Variants in STK10 observed in about 807,000 individuals in gnomAD.
STK10 encodes the protein serine/threonine kinase 10.
A neutral mutation model predicts 113.8 loss-of-function variants in STK10; 78 were observed. The observed-to-expected ratio is 0.69, with a 90% CI of 0.57 to 0.83. STK10 has a LOEUF of 0.83. Among genes scored for constraint, STK10 ranks in the 40% least tolerant of loss-of-function variants. STK10 has a pLI of 0.00. For missense variants in STK10, 1,109 were observed against 1,280.1 expected (o/e 0.87, Z 2.04); for synonymous variants, 465 against 494.7 (o/e 0.94, Z 0.80).
chr5:172,158,257 G>C (rs1302403311), intron 1 of STK10, among the ~76,000 whole-genome samples: 1 of 151,292 alleles, frequency 6.6e-6, no homozygotes, highest in African/African-American at 2.4e-5. Context: ...CTAGGACCTA[G>C]CAATTCTGCT....
chr5:172,101,607 A>C (rs1768990866), intron 7 of STK10, among the ~76,000 whole-genome samples: 1 of 152,266 alleles, frequency 6.6e-6, no homozygotes, highest in Non-Finnish European at 1.5e-5. Flanking sequence ...CCGGGCAGGG[A>C]GCTTGACAAC....
chr5:172,057,305 C>G, intron 15 of STK10, 44 bp downstream of exon 15: 3 of 1,563,980 alleles, frequency 1.9e-6, no homozygotes, highest in Non-Finnish European at 2.6e-6. Context: ...TCTCCCAGGT[C>G]GGCCCGGCAG....
intron 18 of STK10, among the ~76,000 whole-genome samples, chr5:172,051,077 C>T (rs1230721934): frequency 2.0e-5 from 3 of 150,882 alleles, no homozygotes; most frequent in South Asian, 2.1e-4. Context: ...AGCGCCACTC[C>T]GTCTCAGGAA....
At chr5:172,058,980 T>C (rs1198226835) in intron 14 of STK10, among the ~76,000 whole-genome samples, 2 of 151,982 alleles carry the variant, frequency 1.3e-5, no homozygotes, top group Admixed American at 6.6e-5. Context: ...TCCTAGCACT[T>C]TGGGAGGCCG....
At chr5:172,102,573 G>A (rs745366199) in intron 7 of STK10, among the ~76,000 whole-genome samples, 4 of 152,068 alleles carry the variant, frequency 2.6e-5, no homozygotes, top group Non-Finnish European at 4.4e-5. Context: ...CAAAGGCAAC[G>A]GAGAAGGAGA....
chr5:172,105,393 C>T (rs3111484), intron 7 of STK10, among the ~76,000 whole-genome samples: 15,154 of 152,098 alleles, frequency 0.1, 864 homozygotes, highest in East Asian at 0.13. Context: ...CCCCCTGCCA[C>T]GCACACATAC....
chr5:172,107,130 G>A (rs996659974), intron 5 of STK10: 8 of 290,234 alleles, frequency 2.8e-5, no homozygotes, highest in African/African-American at 1.3e-4. Context: ...AAAAAGGGGC[G>A]TGGAGGTGGG....
chr5:172,186,631 A>G (rs1770958827), intron 1 of STK10, among the ~76,000 whole-genome samples: 1 of 152,144 alleles, frequency 6.6e-6, no homozygotes, highest in South Asian at 2.1e-4. Flanking sequence ...CAAAAAAAAG[A>G]AAAGAAAAAA....
chr5:172,093,919 C>A lies in STK10; in HGVS notation c.1047G>T (p.Pro349=). ...NHTQNSSEVS[P]PSLNADKPLE... ...GAGGCTTGTCAGCATTGAGGCTTGG[C>A]GGACTCACCTCAGAGGAGTTCTGAG... Residue 349 remains proline, a synonymous_variant, in exon 9 of 19, where the codon CCG becomes CCT. Transcript: ENST00000176763. This position sits in a 1 kb window ranked among gnomAD's most constrained non-coding sequence, Gnocchi z 4.1. 4 of 1,527,638 alleles carry A rather than the reference C, an allele frequency of 2.6e-6. No homozygotes were observed. Among genetic ancestry groups the A allele is most frequent in the African/African-American group, 1.4e-5 (1 of 72,272 alleles). 94.6% of individuals were successfully genotyped at this position (1,527,638 alleles called of 1,614,324 possible). A position where few individuals can be genotyped will look rare whatever the true frequency, so the allele number is the denominator to read the frequency against.
intron 14 of STK10, among the ~76,000 whole-genome samples, chr5:172,058,791 A>G (rs1262605531): frequency 6.6e-6 from 1 of 152,072 alleles, no homozygotes; most frequent in Non-Finnish European, 1.5e-5. Context: ...TCAGGGGCCT[A>G]AGGCATGAGA....
intron 1 of STK10, among the ~76,000 whole-genome samples, chr5:172,179,379 C>A (rs1046711054): frequency 6.6e-6 from 1 of 152,180 alleles, no homozygotes; most frequent in Non-Finnish European, 1.5e-5. Context: ...CAGCAGGGGG[C>A]CTGAGAGTGA....
rs377694464 is a variant in STK10 at position 172,048,455 on chromosome 5, CCTCT to C, written c.2767-3437_2767-3434del. Among the ~76,000 whole-genome samples, 495 of 55,702 alleles carry C rather than the reference CCTCT, an allele frequency of 8.9e-3. 1 individual carries two copies. Among genetic ancestry groups the C allele is most frequent in the African/African-American group, 0.041 (461 of 11,356 alleles). 36.5% of individuals were successfully genotyped at this position (55,702 alleles called of 152,430 possible). On this transcript the variant is annotated intron_variant, in intron 18 of 18. Transcript: ENST00000176763. ...CACACACACACACACACACACACAT[CCTCT>C]CTCTATCTTGGTTCTGTTTCTCTAG...
intron 18 of STK10, among the ~76,000 whole-genome samples, chr5:172,051,086 A>G (rs1195076935): frequency 7.0e-6 from 1 of 143,858 alleles, no homozygotes; most frequent in Non-Finnish European, 1.5e-5. Context: ...CCGTCTCAGG[A>G]AAAAAAAAAA....
chr5:172,135,106 C>CAAAT (rs966915333), intron 2 of STK10, among the ~76,000 whole-genome samples: 2 of 152,250 alleles, frequency 1.3e-5, no homozygotes, highest in African/African-American at 4.8e-5. Context: ...AGAAGATGTA[C>CAAAT]AAATGGCCAC....
At chr5:172,137,697 A>G (rs4868144) in intron 2 of STK10, among the ~76,000 whole-genome samples, 44,578 of 146,466 alleles carry the variant, frequency 0.3, 7,989 homozygotes, top group African/African-American at 0.5. Context: ...TGGCTAACAC[A>G]GTGAAATCCC....
Position 172,082,849 on chromosome 5 carries a change from C to A in STK10, c.1809+112G>T. 2 of 1,492,642 alleles carry A rather than the reference C, an allele frequency of 1.3e-6. No individual in the cohort carries two copies. Among genetic ancestry groups the A allele is most frequent in the African/African-American group, 1.4e-5 (1 of 71,056 alleles). 92.5% of individuals were successfully genotyped at this position (1,492,642 alleles called of 1,614,324 possible). A position where few individuals can be genotyped will look rare whatever the true frequency, so the allele number is the denominator to read the frequency against. ...GATCGGGAAGCCCCCAGGAATTGGG[C>A]AATTGTTGTGAATTACTCTCCACTA... On this transcript the variant is annotated intron_variant, in intron 11 of 18. Transcript: ENST00000176763. This position sits in a 1 kb window ranked among gnomAD's most constrained non-coding sequence, Gnocchi z 4.3.
In STK10 at chr5:172,082,967, T is replaced by C. The variant is rs531215180; in HGVS notation, c.1803A>G (p.Glu601=). Residue 601 remains glutamate, a synonymous_variant, in exon 11 of 19, where the codon GAA becomes GAG. Coordinates refer to ENST00000176763, the MANE Select transcript of STK10 (RefSeq NM_005990.4). The surrounding 1 kb of genome is among the most constrained non-coding windows in gnomAD (Gnocchi z 4.3). ...LEQMHKRFEQ[E]INAKKKFFDT... ...CATCTTTTCTCGCACTCACGTTGAT[T>C]TCCTGTTCAAAACGTTTATGCATTT... 1 of 1,613,580 alleles carries C rather than the reference T, an allele frequency of 6.2e-7. No homozygotes were observed. The highest frequency in any genetic ancestry group is 2.2e-5 in the East Asian group (1 of 44,876).
rs570257211 is a variant in STK10, at chr5:172,130,453, C to T, written c.322-3032G>A. ...GGCGGAGGCAGGAGAATCACTTGAA[C>T]CCAGGAGGCGGAGGCTGCAGTGAGC... On this transcript the variant is annotated intron_variant, in intron 2 of 18. Coordinates refer to ENST00000176763, the MANE Select transcript of STK10 (RefSeq NM_005990.4). Among the ~76,000 whole-genome samples the T allele has an allele frequency of 2.6e-5, 4 of 152,018 alleles. 1 individual carries two copies. Among genetic ancestry groups the T allele is most frequent in the African/African-American group, 9.6e-5 (4 of 41,452 alleles).
rs981191929 is a variant in STK10, at chr5:172,148,579, G to A, written c.321+8045C>T. On this transcript the variant is annotated intron_variant, in intron 2 of 18. Transcript: ENST00000176763. ...CTGCTCTGGGCCACCAACCGCACCC[G>A]GGTCACTGCCCAAGGGAGCAGCTGG... Among the ~76,000 whole-genome samples, 26 of 152,342 alleles carry A rather than the reference G, an allele frequency of 1.7e-4. 1 individual carries two copies. The highest frequency in any genetic ancestry group is 1.6e-3 in the Admixed American group (24 of 15,294).
Sources: allele counts gnomAD v4.1 joint callset (sites outside exome capture counted in the v4.1 genomes callset), GRCh38; gene constraint gnomAD v4.1.1; non-coding constraint Gnocchi (gnomAD v3.1); transcripts MANE v1.5; gene names NCBI Gene and HGNC (gene_info 2026-07-23, HGNC 2026-07-21).